The following SMAGP variants were observed in gnomAD, a reference collection of about 807,000 sequenced individuals.
SMAGP encodes the protein small cell adhesion glycoprotein, also known as small cell transmembrane and glycosylated protein.
SMAGP carries 7 observed loss-of-function variants against 10.1 expected under a neutral mutation model. The ratio of observed to expected loss-of-function variants is 0.70; its 90% CI spans 0.40 to 1.31. The LOEUF is 1.31. Ranked by LOEUF, SMAGP falls within the 50% of genes most tolerant of loss-of-function variation. SMAGP has a pLI of 0.01. For synonymous variants in SMAGP, 49 were observed against 47.2 expected (o/e 1.04, Z -0.16); for missense variants, 113 against 116.5 (o/e 0.97, Z 0.14).
At chr12:51,248,636 C>G (rs1315493485) in intron 2 of SMAGP, among the ~76,000 whole-genome samples, 1 of 152,192 alleles carries the variant, frequency 6.6e-6, no homozygotes, top group African/African-American at 2.4e-5. Flanking sequence ...CTCTAATCTT[C>G]CTCTGCCTTT....
At chr12:51,265,966 C>T (rs1285124046) in intron 2 of SMAGP, among the ~76,000 whole-genome samples, 1 of 151,954 alleles carries the variant, frequency 6.6e-6, no homozygotes. Flanking sequence ...CCTGTAGTCC[C>T]AGCTACTCGG....
chr12:51,250,498 GTGTTTT>G (rs1944826736), intron 2 of SMAGP, among the ~76,000 whole-genome samples: 1 of 90,510 alleles, frequency 1.1e-5, no homozygotes, highest in African/African-American at 3.5e-5. Flanking sequence ...TGTTGTTGTT[GTGTTTT>G]TTTTTTGTTT....
chr12:51,258,257 A>T (rs1405922122), intron 2 of SMAGP, among the ~76,000 whole-genome samples: 3 of 152,206 alleles, frequency 2.0e-5, no homozygotes, highest in African/African-American at 7.2e-5. Flanking sequence ...AAGGTGCTGC[A>T]AGAGTAAATA....
chr12:51,248,430 ACACACTCTCTCTCTCTCTCTCTCT>A (rs1291046461), intron 2 of SMAGP, among the ~76,000 whole-genome samples: 294 of 91,510 alleles, frequency 3.2e-3, no homozygotes, highest in Non-Finnish European at 3.7e-3. Flanking sequence ...ACACACACAC[ACACACTCTCTCTCTCTCTCTCTCT>A]CTCTCTCTCT....
At chr12:51,248,076 G>T (rs1201978995) in intron 2 of SMAGP, among the ~76,000 whole-genome samples, 1 of 152,046 alleles carries the variant, frequency 6.6e-6, no homozygotes, top group Non-Finnish European at 1.5e-5. Flanking sequence ...GGCCAGCGTG[G>T]CCCGAGCGCG....
chr12:51,249,850 C>T (rs530781087), intron 2 of SMAGP, among the ~76,000 whole-genome samples: 1 of 151,886 alleles, frequency 6.6e-6, no homozygotes, highest in Non-Finnish European at 1.5e-5. Flanking sequence ...CTCCTGGCCT[C>T]GAGTGATCCA....
intron 2 of SMAGP, among the ~76,000 whole-genome samples, chr12:51,261,304 C>A (rs1944929985): frequency 6.6e-6 from 1 of 150,530 alleles, no homozygotes; most frequent in Non-Finnish European, 1.5e-5. Flanking sequence ...ACCATGTTGG[C>A]CAGGCTGGTC....
At chr12:51,253,268 C>T (rs569224254) in intron 2 of SMAGP, among the ~76,000 whole-genome samples, 2 of 152,272 alleles carry the variant, frequency 1.3e-5, no homozygotes, top group South Asian at 2.1e-4. Flanking sequence ...GTTAGTTCAA[C>T]AAGAATTTAC....
chr12:51,246,058 C>G lies in SMAGP; in HGVS notation c.177G>C (p.Leu59=). ...TGACGTAGCTGCCTTTGTTCTTGTA[C>G]AGGTAAAAGAAGATCAAGATCACGA... The part of the protein sequence containing the change: ...LSVVILIFFY[L]YKNKGSYVTY... Residue 59 remains leucine, a synonymous_variant, in exon 4 of 4, where the codon CTG becomes CTC. Coordinates refer to ENST00000603798, the MANE Select transcript of SMAGP (RefSeq NM_001031628.2). 6.2e-7 allele frequency: 1 copy of G among 1,613,830 alleles called. No homozygotes were observed. Among genetic ancestry groups the G allele is most frequent in the Non-Finnish European group, 8.5e-7 (1 of 1,179,870 alleles).
chr12:51,264,859 G>A (rs1944961062), intron 2 of SMAGP, among the ~76,000 whole-genome samples: 1 of 149,822 alleles, frequency 6.7e-6, no homozygotes, highest in Non-Finnish European at 1.5e-5. Context: ...TTGAACCCGG[G>A]AGGTGGAGGT....
At chr12:51,267,617 T>C (rs574892309) in intron 2 of SMAGP, among the ~76,000 whole-genome samples, 1 of 151,986 alleles carries the variant, frequency 6.6e-6, no homozygotes, top group African/African-American at 2.4e-5. Flanking sequence ...CCTAAGCCTT[T>C]GGAGTAGCTG....
intron 1 of SMAGP, chr12:51,269,887 A>G (rs1460792880): frequency 6.6e-6 from 1 of 152,040 alleles, no homozygotes; most frequent in Non-Finnish European, 1.5e-5. Context: ...TTCGCCGTCC[A>G]GGGCGCGGTC....
intron 2 of SMAGP, among the ~76,000 whole-genome samples, chr12:51,260,098 G>A (rs1944918015): frequency 6.6e-6 from 1 of 151,506 alleles, no homozygotes; most frequent in Non-Finnish European, 1.5e-5. Context: ...AAAGATTGCT[G>A]TTATTTTAGG....
chr12:51,248,399 TACAC>T (rs71443213), intron 2 of SMAGP, among the ~76,000 whole-genome samples: 58 of 132,366 alleles, frequency 4.4e-4, no homozygotes, highest in South Asian at 1.0e-3. Context: ...TGTGGTGTTT[TACAC>T]ACACACACAC....
At position 51,262,080 on chromosome 12, in the gene SMAGP, AT is replaced by A. The variant is rs796923244; in HGVS notation, c.34+7164del. Among the ~76,000 whole-genome samples the A allele has an allele frequency of 2.8e-3, 429 of 150,976 alleles. 1 individual carries two copies. The highest frequency in any genetic ancestry group is 9.7e-3 in the African/African-American group (400 of 41,086). On this transcript the variant is annotated intron_variant, in intron 2 of 3. Transcript: ENST00000603798. ...TAGCGAGACCCCTGTCTCTCTGTGT[AT>A]TTTTTTTTAAGTAACTTTAAAAAAC...
intron 2 of SMAGP, among the ~76,000 whole-genome samples, chr12:51,267,968 G>T (rs1944990681): frequency 1.3e-5 from 2 of 152,162 alleles, no homozygotes; most frequent in Non-Finnish European, 2.9e-5. Flanking sequence ...GGAAGACAAA[G>T]GTGTATAGAC....
At chr12:51,252,877 G>T (rs990313685) in intron 2 of SMAGP, among the ~76,000 whole-genome samples, 1 of 152,086 alleles carries the variant, frequency 6.6e-6, no homozygotes, top group Non-Finnish European at 1.5e-5. Flanking sequence ...GGGGACATGG[G>T]GGAAGTGAGC....
At chr12:51,260,437 C>G (rs915178458) in intron 2 of SMAGP, among the ~76,000 whole-genome samples, 14 of 151,720 alleles carry the variant, frequency 9.2e-5, no homozygotes, top group African/African-American at 3.4e-4. Context: ...AGTGCAGTGG[C>G]AGAATCTCGG....
Position 51,246,760 on chromosome 12 carries a change from G to C in SMAGP, c.106C>G (p.Leu36Val), listed in dbSNP as rs772997248. 27 of 1,586,346 alleles carry C rather than the reference G, an allele frequency of 1.7e-5. No individual in the cohort carries two copies. Among genetic ancestry groups the C allele is most frequent in the Non-Finnish European group, 2.1e-5 (25 of 1,166,666 alleles). The change falls in exon 3 of 4, where the codon CTC becomes GTC. Residue 36 changes from leucine to valine, a missense_variant. Physicochemically the swap from Leu to Val is conservative, Grantham distance 32. Coordinates refer to ENST00000603798, the MANE Select transcript of SMAGP (RefSeq NM_001031628.2). Reference protein sequence around the residue: ...LSPEDGASTALIAVVITVVFL... With the variant: ...LSPEDGASTAVIAVVITVVFL... ...GCTCAGAGTCTATTACCTGCAATGA[G>C]TGCTGTGCTGGCTCCATCTTCTGGG...
Sources: gnomAD v4.1 joint callset for allele counts (sites outside exome capture counted in the v4.1 genomes callset) on GRCh38, gnomAD v4.1.1 for gene constraint, MANE v1.5 for transcripts, NCBI Gene and HGNC (gene_info 2026-07-23, HGNC 2026-07-21) for gene names.